Variants in DISC1 observed in about 807,000 individuals in gnomAD.
The protein encoded by DISC1 is disrupted in schizophrenia 1 protein.
DISC1 carries 57 observed loss-of-function variants against 84.5 expected under a neutral mutation model. That is an observed-to-expected ratio of 0.67 (90% CI 0.55 to 0.84). The LOEUF (loss-of-function observed/expected upper bound fraction) is 0.84, where lower values mean the gene tolerates loss of function less well. Among genes scored for constraint, DISC1 ranks in the 40% least tolerant of loss-of-function variants. The pLI is 0.00. For synonymous variants in DISC1, 411 were observed against 415.2 expected (o/e 0.99, Z 0.12); for missense variants, 1,000 against 1,057.8 (o/e 0.95, Z 0.76).
intron 9 of DISC1, among the ~76,000 whole-genome samples, chr1:231,845,318 C>T (rs764102846): frequency 1.3e-5 from 2 of 152,136 alleles, no homozygotes; most frequent in Non-Finnish European, 2.9e-5. Context: ...AGCTCTGGAC[C>T]GGGTTTGGCT....
At chr1:231,656,993 T>C (rs1285374330) in intron 1 of DISC1, among the ~76,000 whole-genome samples, 1 of 152,268 alleles carries the variant, frequency 6.6e-6, no homozygotes, top group Admixed American at 6.5e-5. Flanking sequence ...CTGCATAGTA[T>C]TCCATAGTGT....
At chr1:231,852,604 A>T (rs2083978544) in intron 9 of DISC1, among the ~76,000 whole-genome samples, 1 of 152,258 alleles carries the variant, frequency 6.6e-6, no homozygotes, top group Admixed American at 6.5e-5. Context: ...TCAGGGCAGG[A>T]GTGGCTAATT....
chr1:232,034,191 T>A (rs1433395187), intron 12 of DISC1, among the ~76,000 whole-genome samples: 1 of 152,222 alleles, frequency 6.6e-6, no homozygotes, highest in Non-Finnish European at 1.5e-5. Context: ...TTCTAGGATT[T>A]CTGGTGTCTA....
intron 10 of DISC1, among the ~76,000 whole-genome samples, chr1:231,985,858 T>C (rs762366083): frequency 7.2e-5 from 11 of 152,150 alleles, no homozygotes; most frequent in Non-Finnish European, 1.0e-4. Context: ...TCCTAAGTGC[T>C]ATGTTTGGTT....
intron 10 of DISC1, among the ~76,000 whole-genome samples, chr1:231,985,959 A>C (rs977892819): frequency 6.6e-6 from 1 of 152,208 alleles, no homozygotes; most frequent in African/African-American, 2.4e-5. Context: ...GTGCCATCAG[A>C]TCATGAGTCT....
chr1:231,949,595 G>A (rs1657943061), intron 9 of DISC1, among the ~76,000 whole-genome samples: 1 of 152,080 alleles, frequency 6.6e-6, no homozygotes, highest in African/African-American at 2.4e-5. Flanking sequence ...GTTGAGGAGG[G>A]CACCTCCAGC....
At chr1:231,858,772 T>G (rs1018652507) in intron 9 of DISC1, among the ~76,000 whole-genome samples, 2 of 152,244 alleles carry the variant, frequency 1.3e-5, no homozygotes, top group Non-Finnish European at 2.9e-5. Context: ...TTCCTGCTTC[T>G]GGCCTTCTTA....
intron 4 of DISC1, among the ~76,000 whole-genome samples, chr1:231,762,186 TTTCTTTCTTTTCTTTTCTTTTCTTTTCTC>T (rs1248924279): frequency 8.9e-6 from 1 of 111,768 alleles, no homozygotes; most frequent in African/African-American, 3.1e-5. Flanking sequence ...CCTTCCTTCT[TTTCTTTCTTTTCTTTTCTTTTCTTTTCTC>T]TTCTTTTCTT....
intron 4 of DISC1, among the ~76,000 whole-genome samples, chr1:231,764,787 C>G (rs1273235753): frequency 1.3e-5 from 2 of 152,190 alleles, no homozygotes; most frequent in Non-Finnish European, 2.9e-5. Flanking sequence ...AATTTTAAGT[C>G]TCATTCTTAT....
intron 9 of DISC1, among the ~76,000 whole-genome samples, chr1:231,857,716 G>T (rs186128600): frequency 2.0e-5 from 3 of 152,124 alleles, no homozygotes; most frequent in Admixed American, 6.5e-5. Context: ...ACTTTCTTCC[G>T]GAATCAGCAC....
intron 2 of DISC1, among the ~76,000 whole-genome samples, chr1:231,697,925 A>G (rs1465612793): frequency 6.6e-6 from 1 of 151,860 alleles, no homozygotes; most frequent in Non-Finnish European, 1.5e-5. Flanking sequence ...TGTGCTCTTT[A>G]TTGGTGAGTT....
At chr1:231,880,541 G>T (rs1225229956) in intron 9 of DISC1, among the ~76,000 whole-genome samples, 2 of 152,132 alleles carry the variant, frequency 1.3e-5, no homozygotes, top group African/African-American at 4.8e-5. Flanking sequence ...GTGTTTATTT[G>T]TAGGGCAGAG....
rs2058597745 is a variant in DISC1, at chr1:231,630,186, C to T, written c.67+3252C>T. Among the ~76,000 whole-genome samples the T allele has an allele frequency of 1.3e-5, 2 of 152,140 alleles. No homozygotes were observed. The highest frequency in any genetic ancestry group is 4.1e-4 in the South Asian group (2 of 4,828). On this transcript the variant is annotated intron_variant, in intron 1 of 12. Transcript: ENST00000439617. This position sits in a 1 kb window ranked among gnomAD's most constrained non-coding sequence, Gnocchi z 4.4. ...CCTTGTAATCTGCCCGCCTCAGCCT[C>T]CCAAAGTGCTGGGATTACAGGCATG...
chr1:232,009,201 A>G lies in DISC1; in HGVS notation c.2307+152A>G. On this transcript the variant is annotated intron_variant, in intron 11 of 12. Coordinates refer to ENST00000439617, the MANE Select transcript of DISC1 (RefSeq NM_018662.3). The surrounding 1 kb of genome is among the most constrained non-coding windows in gnomAD (Gnocchi z 4.6). ...TCAATAACTCTTGAATATGATTACA[A>G]AATAAAGTAGAATTTTTGTAGAAGT... The G allele has an allele frequency of 7.0e-7, 1 of 1,433,188 alleles. No individual in the cohort carries two copies. Among genetic ancestry groups the G allele is most frequent in the Non-Finnish European group, 9.1e-7 (1 of 1,094,374 alleles). The allele number at this position is 1,433,188 out of a possible 1,614,324, so 88.8% of individuals were successfully genotyped here.
At chr1:231,973,726 C>T (rs953987549) in intron 10 of DISC1, among the ~76,000 whole-genome samples, 1 of 152,202 alleles carries the variant, frequency 6.6e-6, no homozygotes, top group Non-Finnish European at 1.5e-5. Context: ...AACAGTGGAG[C>T]TAGCATTTTT....
chr1:231,691,441 A>G (rs1444764539), intron 1 of DISC1, among the ~76,000 whole-genome samples: 2 of 151,126 alleles, frequency 1.3e-5, no homozygotes, highest in Non-Finnish European at 2.9e-5. Flanking sequence ...AAAAAAAAAC[A>G]GAAAGAATAA....
chr1:231,684,482 T>C (rs112030621), intron 1 of DISC1, among the ~76,000 whole-genome samples: 1 of 152,106 alleles, frequency 6.6e-6, no homozygotes, highest in East Asian at 1.9e-4. Flanking sequence ...TATAATTGCA[T>C]GCATTTTTTC....
intron 1 of DISC1, among the ~76,000 whole-genome samples, chr1:231,687,052 A>G (rs1463211223): frequency 1.3e-5 from 2 of 152,162 alleles, no homozygotes; most frequent in South Asian, 2.1e-4. Flanking sequence ...TCCTATCACT[A>G]TCAGGCTTTT....
At chr1:231,995,112 AG>A (rs1665739856) in intron 10 of DISC1, among the ~76,000 whole-genome samples, 1 of 152,210 alleles carries the variant, frequency 6.6e-6, no homozygotes, top group African/African-American at 2.4e-5. Context: ...CTTAGAAAAT[AG>A]AAGACAAAGG....
Sources: allele counts gnomAD v4.1 joint callset (sites outside exome capture counted in the v4.1 genomes callset), GRCh38; gene constraint gnomAD v4.1.1; non-coding constraint Gnocchi (gnomAD v3.1); transcripts MANE v1.5; gene names NCBI Gene and HGNC (gene_info 2026-07-23, HGNC 2026-07-21).